The following CDH13 variants were observed in gnomAD, a reference collection of about 807,000 sequenced individuals.
The protein encoded by CDH13 is cadherin 13, also known as cadherin-13.
A neutral mutation model predicts 63.8 loss-of-function variants in CDH13; 24 were observed. The ratio of observed to expected loss-of-function variants is 0.38; its 90% CI spans 0.27 to 0.53. The LOEUF is 0.53. Among genes scored for constraint, CDH13 ranks in the 20% least tolerant of loss-of-function variants. CDH13 has a pLI of 0.85. For missense variants in CDH13, 1,049 were observed against 903.1 expected (o/e 1.16, Z -2.07); for synonymous variants, 503 against 355.3 (o/e 1.42, Z -4.67).
chr16:82,891,658 G>A (rs553048342), intron 2 of CDH13, among the ~76,000 whole-genome samples: 85 of 152,224 alleles, frequency 5.6e-4, no homozygotes, highest in Non-Finnish European at 9.1e-4. Context: ...TCTGTATTGC[G>A]GCTGTAAATG....
At chr16:83,336,101 G>A (rs1243269487) in intron 5 of CDH13, among the ~76,000 whole-genome samples, 1 of 151,942 alleles carries the variant, frequency 6.6e-6, no homozygotes, top group Non-Finnish European at 1.5e-5. Flanking sequence ...AGGAGTTCGA[G>A]ACCCGCCTGA....
At chr16:83,123,676 G>A (rs746037944) in intron 3 of CDH13, among the ~76,000 whole-genome samples, 4 of 152,134 alleles carry the variant, frequency 2.6e-5, no homozygotes, top group Non-Finnish European at 5.9e-5. Flanking sequence ...CACAAGTGCA[G>A]GTATTGTTTT....
chr16:82,872,604 A>G (rs758222925), intron 2 of CDH13, among the ~76,000 whole-genome samples: 4 of 152,218 alleles, frequency 2.6e-5, no homozygotes, highest in African/African-American at 7.2e-5. Context: ...CACACATTCT[A>G]GTAATAGAGG....
chr16:83,029,568 C>T (rs895304090), intron 2 of CDH13, among the ~76,000 whole-genome samples: 2 of 152,144 alleles, frequency 1.3e-5, no homozygotes, highest in African/African-American at 4.8e-5. Context: ...AACTCACAGC[C>T]ACATGATGAA....
chr16:83,263,980 C>A (rs1907293010), intron 5 of CDH13, among the ~76,000 whole-genome samples: 1 of 152,132 alleles, frequency 6.6e-6, no homozygotes, highest in Non-Finnish European at 1.5e-5. Context: ...ATGTCAAGAT[C>A]CTAAAGTTCC....
intron 1 of CDH13, among the ~76,000 whole-genome samples, chr16:82,779,898 C>T (rs1364389677): frequency 1.3e-5 from 2 of 152,170 alleles, no homozygotes; most frequent in Non-Finnish European, 2.9e-5. Context: ...CCCTGAGAAT[C>T]GATCAGTCCC....
At chr16:83,113,325 T>A (rs986796524) in intron 3 of CDH13, among the ~76,000 whole-genome samples, 2 of 152,242 alleles carry the variant, frequency 1.3e-5, no homozygotes, top group African/African-American at 4.8e-5. Context: ...ATTTACTTAT[T>A]AGACACAATC....
chr16:83,195,705 A>G (rs915619637), intron 4 of CDH13, among the ~76,000 whole-genome samples: 14 of 152,208 alleles, frequency 9.2e-5, no homozygotes, highest in African/African-American at 2.9e-4. Flanking sequence ...TCCAAACCAT[A>G]GCAATATGTA....
At chr16:83,585,906 G>C (rs1461708919) in intron 7 of CDH13, among the ~76,000 whole-genome samples, 1 of 152,104 alleles carries the variant, frequency 6.6e-6, no homozygotes, top group African/African-American at 2.4e-5. Flanking sequence ...GAGAGTATAA[G>C]GTACAGACCC....
At chr16:82,876,998 C>A (rs1010919934) in intron 2 of CDH13, among the ~76,000 whole-genome samples, 1 of 152,176 alleles carries the variant, frequency 6.6e-6, no homozygotes, top group African/African-American at 2.4e-5. Context: ...AATACAACTT[C>A]TCAAAGTAGA....
Position 83,678,195 on chromosome 16 carries a change from G to C in CDH13, c.1285-13G>C, listed in dbSNP as rs746382709. The C allele has an allele frequency of 6.2e-7, 1 of 1,603,858 alleles. No homozygotes were observed. Among genetic ancestry groups the C allele is most frequent in the African/African-American group, 1.3e-5 (1 of 74,870 alleles). Reference sequence around the variant, plus strand: ...CTGGTGTGCATCCTGAGACCCTTCTGTCTGCTTTCCAGCCATTGGACTATG... The same window carrying C: ...CTGGTGTGCATCCTGAGACCCTTCTCTCTGCTTTCCAGCCATTGGACTATG... On this transcript the variant is annotated splice_polypyrimidine_tract_variant and intron_variant, in intron 9 of 13. Coordinates refer to ENST00000567109, the MANE Select transcript of CDH13 (RefSeq NM_001257.5).
At chr16:82,729,780 C>T (rs769458186) in intron 1 of CDH13, among the ~76,000 whole-genome samples, 4 of 152,090 alleles carry the variant, frequency 2.6e-5, no homozygotes, top group Non-Finnish European at 5.9e-5. Context: ...CATCTTCTTC[C>T]AGTATAAAGA....
chr16:83,006,169 G>A (rs1567736835), intron 2 of CDH13, among the ~76,000 whole-genome samples: 1 of 152,068 alleles, frequency 6.6e-6, no homozygotes, highest in Non-Finnish European at 1.5e-5. Context: ...CTCAGTGGGG[G>A]CATTTTCAAG....
intron 5 of CDH13, among the ~76,000 whole-genome samples, chr16:83,340,342 G>T (rs976552902): frequency 1.3e-5 from 2 of 151,932 alleles, no homozygotes; most frequent in Admixed American, 6.6e-5. Flanking sequence ...GCGCATGTGC[G>T]TGCTGCTCCA....
intron 2 of CDH13, among the ~76,000 whole-genome samples, chr16:82,956,433 C>G (rs1906117556): frequency 6.6e-6 from 1 of 152,144 alleles, no homozygotes; most frequent in South Asian, 2.1e-4. Context: ...CCCTTTGGAA[C>G]TCCTCATGGA....
At chr16:83,721,948 G>C (rs1376470726) in intron 10 of CDH13, 2 of 152,310 alleles carry the variant, frequency 1.3e-5, no homozygotes, top group African/African-American at 2.4e-5. Flanking sequence ...GGAAGTACAG[G>C]CTGCACCCTG....
At chr16:82,750,510 A>G (rs772939222) in intron 1 of CDH13, among the ~76,000 whole-genome samples, 6 of 152,220 alleles carry the variant, frequency 3.9e-5, no homozygotes, top group Non-Finnish European at 8.8e-5. Context: ...TCCAATCTGA[A>G]TGTTAGTACC....
chr16:82,708,811 C>G (rs1343775881), intron 1 of CDH13, among the ~76,000 whole-genome samples: 1 of 152,200 alleles, frequency 6.6e-6, no homozygotes, highest in Non-Finnish European at 1.5e-5. Flanking sequence ...CCAAACACAA[C>G]TTGCACAGTG....
chr16:83,242,825 G>C (rs1454625452), intron 5 of CDH13, among the ~76,000 whole-genome samples: 5 of 152,218 alleles, frequency 3.3e-5, no homozygotes, highest in African/African-American at 9.6e-5. Context: ...TTTGGAGACA[G>C]ACATATCAGT....
Sources: gnomAD v4.1 joint callset for allele counts (sites outside exome capture counted in the v4.1 genomes callset) on GRCh38, gnomAD v4.1.1 for gene constraint, MANE v1.5 for transcripts, NCBI Gene and HGNC (gene_info 2026-07-23, HGNC 2026-07-21) for gene names.